The following PTPRG variants were observed in gnomAD, a reference collection of about 807,000 sequenced individuals.
The protein encoded by PTPRG is receptor-type tyrosine-protein phosphatase gamma.
A neutral mutation model predicts 165.3 loss-of-function variants in PTPRG; 102 were observed. That is an observed-to-expected ratio of 0.62 (90% CI 0.53 to 0.73). The LOEUF (loss-of-function observed/expected upper bound fraction) is 0.73, where lower values mean the gene tolerates loss of function less well. Among genes scored for constraint, PTPRG ranks in the 30% least tolerant of loss-of-function variants. The pLI is 0.00. For missense variants in PTPRG, 1,866 were observed against 1,861.4 expected (o/e 1.00, Z -0.05); for synonymous variants, 675 against 669.5 (o/e 1.01, Z -0.13).
intron 1 of PTPRG, chr3:61,659,385 C>G: frequency 1.0e-6 from 1 of 985,038 alleles, no homozygotes; most frequent in Non-Finnish European, 1.2e-6. Context: ...TTCTGCTTCA[C>G]TGGAGAAGAA....
chr3:61,835,660 C>A (rs575147389), intron 2 of PTPRG, among the ~76,000 whole-genome samples: 7 of 152,156 alleles, frequency 4.6e-5, no homozygotes, highest in Middle Eastern at 3.4e-3. Context: ...CCTTAATGGC[C>A]TGGCCTTGTT....
chr3:62,248,629 T>G, intron 15 of PTPRG, among the ~76,000 whole-genome samples: 1 of 152,210 alleles, frequency 6.6e-6, no homozygotes, highest in South Asian at 2.1e-4. Context: ...TATTATTCTT[T>G]TAGGCTTTCA....
At chr3:61,650,570 A>C (rs1326956800) in intron 1 of PTPRG, among the ~76,000 whole-genome samples, 6 of 152,218 alleles carry the variant, frequency 3.9e-5, no homozygotes. Context: ...TCAGGATGAT[A>C]ACTGAGTAAG....
At chr3:61,749,387 T>A (rs2033343017) in intron 2 of PTPRG, 1 of 315,110 alleles carries the variant, frequency 3.2e-6, no homozygotes, top group Admixed American at 4.9e-5. Context: ...CAGAATGCTC[T>A]ATTAGGCTCT....
rs191558563 is a variant in PTPRG at position 62,257,943 on chromosome 3, G to A, written c.2559+2728G>A. On this transcript the variant is annotated intron_variant, in intron 16 of 29. Coordinates refer to ENST00000474889, the MANE Select transcript of PTPRG (RefSeq NM_002841.4). ...CGTACCACTGCACTCCAGCCTGAGC[G>A]ACAGAGCAAGACCCTGTCTCAGGAA... Among the ~76,000 whole-genome samples, 204 of 152,192 alleles carry A rather than the reference G, an allele frequency of 1.3e-3. 8 individuals are homozygous for A. In the South Asian group the frequency reaches 0.039, roughly 29 times the overall value.
intron 2 of PTPRG, among the ~76,000 whole-genome samples, chr3:61,758,750 A>T (rs781320776): frequency 2.4e-4 from 36 of 151,560 alleles, no homozygotes; most frequent in African/African-American, 8.0e-4. Context: ...TGAAATTATC[A>T]ATTTGAGTTG....
chr3:62,130,907 A>G (rs1703489972), intron 5 of PTPRG, among the ~76,000 whole-genome samples: 2 of 151,212 alleles, frequency 1.3e-5, no homozygotes, highest in African/African-American at 4.9e-5. Context: ...TTCCACCTTT[A>G]TGGTCTGATA....
At chr3:61,907,652 T>G (rs2038688836) in intron 2 of PTPRG, among the ~76,000 whole-genome samples, 1 of 152,198 alleles carries the variant, frequency 6.6e-6, no homozygotes, top group South Asian at 2.1e-4. Context: ...CAAAAGTTCC[T>G]GTAATTAAGG....
At chr3:61,991,653 C>A (rs113143056) in intron 3 of PTPRG, among the ~76,000 whole-genome samples, 17 of 152,316 alleles carry the variant, frequency 1.1e-4, no homozygotes, top group African/African-American at 4.1e-4. Flanking sequence ...TATTTCTCTT[C>A]ATACCATCTA....
intron 2 of PTPRG, among the ~76,000 whole-genome samples, chr3:61,767,148 G>T (rs539404283): frequency 1.4e-5 from 2 of 140,782 alleles, no homozygotes; most frequent in East Asian, 4.5e-4. Context: ...AGAGGCTGAG[G>T]CAGGAGAATT....
chr3:62,184,671 G>C (rs1024915698), intron 8 of PTPRG, among the ~76,000 whole-genome samples: 1 of 152,138 alleles, frequency 6.6e-6, no homozygotes, highest in Non-Finnish European at 1.5e-5. Flanking sequence ...TCTCCCCCAC[G>C]GTCGTCTGCT....
chr3:61,935,048 C>G (rs1575800868), intron 2 of PTPRG, among the ~76,000 whole-genome samples: 1 of 152,262 alleles, frequency 6.6e-6, no homozygotes, highest in African/African-American at 2.4e-5. Context: ...CAGGGGTTTA[C>G]AGACATCCTC....
In PTPRG at chr3:62,203,875, G is replaced by A. The variant is rs748623403; in HGVS notation, c.2080G>A (p.Glu694Lys). ...QYAGSDPKRP[E>K]MPSKKPMSRG... ...TGCAGGGAGTGATCCCAAGAGGCCC[G>A]AAATGCCATCTAAAAAGCCTATGTC... The change falls in exon 12 of 30, where the codon GAA (glutamate) becomes AAA (lysine). Residue 694 changes from glutamate to lysine, a missense_variant. This residue lies in a region of PTPRG where 1,452 missense variants were observed against 1,463.0 expected (regional missense o/e 0.99). Coordinates refer to ENST00000474889, the MANE Select transcript of PTPRG (RefSeq NM_002841.4). The surrounding 1 kb of genome is among the most constrained non-coding windows in gnomAD (Gnocchi z 6.4). 6.2e-6 allele frequency: 10 copies of A among 1,613,458 alleles called. No individual in the cohort carries two copies. The highest frequency in any genetic ancestry group is 2.2e-5 in the East Asian group (1 of 44,848).
intron 1 of PTPRG, among the ~76,000 whole-genome samples, chr3:61,690,424 A>G (rs1304198100): frequency 6.6e-6 from 1 of 152,216 alleles, no homozygotes; most frequent in Non-Finnish European, 1.5e-5. Context: ...CGTATTAAAT[A>G]CAACGGCTGT....
At chr3:61,814,334 TTATAGTTCATAACCA>T (rs1198071435) in intron 2 of PTPRG, among the ~76,000 whole-genome samples, 7 of 152,192 alleles carry the variant, frequency 4.6e-5, no homozygotes, top group African/African-American at 1.4e-4. Context: ...ACTAAAGAGC[TTATAGTTCATAACCA>T]CTGGAGTATT....
intron 4 of PTPRG, among the ~76,000 whole-genome samples, chr3:62,076,648 C>G (rs554866040): frequency 4.0e-5 from 6 of 151,686 alleles, no homozygotes; most frequent in African/African-American, 1.5e-4. Context: ...ATGGCATGAC[C>G]TCGGCTCACC....
At chr3:61,946,974 CTCT>C (rs1559706285) in intron 2 of PTPRG, among the ~76,000 whole-genome samples, 1 of 152,124 alleles carries the variant, frequency 6.6e-6, no homozygotes, top group Non-Finnish European at 1.5e-5. Flanking sequence ...CTGCTAAAAT[CTCT>C]TCTTGGGGGA....
intron 2 of PTPRG, among the ~76,000 whole-genome samples, chr3:61,821,106 T>TA (rs2035941077): frequency 6.6e-6 from 1 of 152,172 alleles, no homozygotes; most frequent in African/African-American, 2.4e-5. Context: ...TTTTCAATAA[T>TA]AAAAACAGCA....
chr3:62,122,082 C>T (rs893034536), intron 5 of PTPRG, among the ~76,000 whole-genome samples: 2 of 152,246 alleles, frequency 1.3e-5, no homozygotes, highest in African/African-American at 4.8e-5. Context: ...AAAGGAATTT[C>T]CCTAATTTGT....
Sources: gnomAD v4.1 joint callset for allele counts (sites outside exome capture counted in the v4.1 genomes callset) on GRCh38, gnomAD v4.1.1 for gene constraint, gnomAD v4.1.1 regional missense constraint, Gnocchi (gnomAD v3.1) non-coding constraint, MANE v1.5 for transcripts, NCBI Gene and HGNC (gene_info 2026-07-23, HGNC 2026-07-21) for gene names.